Variants in SHQ1 observed in about 807,000 individuals in gnomAD.
SHQ1 encodes SHQ1, H/ACA ribonucleoprotein assembly factor, also known as protein SHQ1 homolog.
A neutral mutation model predicts 53.8 loss-of-function variants in SHQ1; 49 were observed. The observed-to-expected ratio is 0.91, with a 90% CI of 0.72 to 1.16. The LOEUF (loss-of-function observed/expected upper bound fraction) is 1.16, where lower values mean the gene tolerates loss of function less well. SHQ1 is among the 50% of genes most tolerant of loss of function. The pLI, the probability that SHQ1 is intolerant of heterozygous loss-of-function variation, is 0.00. For synonymous variants in SHQ1, 243 were observed against 251.0 expected, an observed-to-expected ratio of 0.97 and a Z score of 0.30; for missense variants, 738 against 683.1, an observed-to-expected ratio of 1.08 and a Z score of -0.90.
chr3:72,747,451 A>G (rs1434123544), downstream of SHQ1, among the ~76,000 whole-genome samples: 3 of 152,244 alleles, frequency 2.0e-5, no homozygotes, highest in Non-Finnish European at 4.4e-5. Flanking sequence ...AATGAAAGAC[A>G]GTGATCCTGA....
chr3:72,817,328 G>C lies in SHQ1; in HGVS notation c.784C>G (p.Leu262Val). The C allele has an allele frequency of 6.2e-7, 1 of 1,613,512 alleles. No homozygotes were observed. Among genetic ancestry groups the C allele is most frequent in the Non-Finnish European group, 8.5e-7 (1 of 1,179,598 alleles). Reference sequence around the variant, plus strand: ...TGACGACAGGCTCTCTTGTCCAGCAGATAAGATTTATTGACAAATTTTCGT... The same window carrying C: ...TGACGACAGGCTCTCTTGTCCAGCACATAAGATTTATTGACAAATTTTCGT... ...QLRKFVNKSY[L>V]LDKRACRQVC... The change falls in exon 7 of 11, where the codon CTG becomes GTG. Residue 262 changes from leucine (L) to valine (V), a missense_variant. Transcript: ENST00000325599.
At chr3:72,748,002 C>A (rs926803044), downstream of SHQ1, among the ~76,000 whole-genome samples, 9 of 150,470 alleles carry the variant, frequency 6.0e-5, no homozygotes, top group South Asian at 1.7e-3. Context: ...AAAAAAAAAA[C>A]ACACACTCAC....
At chr3:72,812,534 T>C (rs1707156844) in intron 9 of SHQ1, 137 bp downstream of exon 9, 5 of 885,864 alleles carry the variant, frequency 5.6e-6, no homozygotes, top group African/African-American at 1.7e-5. Flanking sequence ...AGGAATTCTA[T>C]ACTTTAAAAG....
intron 5 of SHQ1, among the ~76,000 whole-genome samples, 186 bp from the exon 6 acceptor site, chr3:72,824,737 T>C (rs1237653062): frequency 6.6e-6 from 1 of 151,074 alleles, no homozygotes; most frequent in Non-Finnish European, 1.5e-5. Flanking sequence ...TTATTTACCA[T>C]AAAACAAAAG....
intron 1 of SHQ1, among the ~76,000 whole-genome samples, chr3:72,847,304 G>A (rs529599938): frequency 3.9e-5 from 6 of 152,240 alleles, no homozygotes; most frequent in African/African-American, 1.4e-4. Context: ...AAAGTACTTG[G>A]GTGGGAAAAG....
the SHQ1 span, among the ~76,000 whole-genome samples, chr3:72,734,707 A>AAC: frequency 6.6e-6 from 1 of 151,712 alleles, no homozygotes; most frequent in Non-Finnish European, 1.5e-5. Flanking sequence ...ATAGAAGAAA[A>AAC]ACATGGTTGC....
chr3:72,815,918 T>TA (rs1707299285), intron 7 of SHQ1, among the ~76,000 whole-genome samples: 1 of 152,160 alleles, frequency 6.6e-6, no homozygotes, highest in African/African-American at 2.4e-5. Flanking sequence ...AATACAAGAA[T>TA]AAAAAATGGT....
At chr3:72,744,817 C>T (rs905892133), downstream of SHQ1, among the ~76,000 whole-genome samples, 1 of 151,292 alleles carries the variant, frequency 6.6e-6, no homozygotes, top group African/African-American at 2.4e-5. Flanking sequence ...CTTTCATTTG[C>T]TCTAATGGAG....
At chr3:72,837,756 G>T (rs752312171) in intron 4 of SHQ1, among the ~76,000 whole-genome samples, 10 of 152,114 alleles carry the variant, frequency 6.6e-5, no homozygotes, top group Non-Finnish European at 1.3e-4. Context: ...TAGAATTAGG[G>T]TCATATTATT....
chr3:72,737,263 G>A, the SHQ1 span, among the ~76,000 whole-genome samples: 23 of 151,930 alleles, frequency 1.5e-4, no homozygotes, highest in Non-Finnish European at 2.9e-4. Flanking sequence ...GGGCGACAAA[G>A]CAAGATTCTG....
chr3:72,796,101 C>CAAAAA (rs555086403), intron 9 of SHQ1, among the ~76,000 whole-genome samples: 56 of 39,982 alleles, frequency 1.4e-3, no homozygotes, highest in South Asian at 3.6e-3. Flanking sequence ...GACTCCATCT[C>CAAAAA]AAAAAAAAAA....
At chr3:72,755,242 T>TGATG (rs887843181) in intron 10 of SHQ1, among the ~76,000 whole-genome samples, 63 of 151,684 alleles carry the variant, frequency 4.2e-4, no homozygotes, top group Admixed American at 1.1e-3. Context: ...TACAATAAGT[T>TGATG]GATGGATGGA....
In SHQ1 at chr3:72,784,809, C is replaced by T. The variant is rs1238285133; in HGVS notation, c.1181+8107G>A. The stretch of plus-strand genomic sequence containing the variant: ...TTAACAGATCCCCAAAATCACCTTC[C>T]ACTCTGTAGATTTATTATAAACATC... On this transcript the variant is annotated intron_variant, in intron 10 of 10. Transcript: ENST00000325599. Among the ~76,000 whole-genome samples, 5 of 152,178 alleles carry T rather than the reference C, an allele frequency of 3.3e-5. No homozygotes were observed. In the East Asian group the frequency reaches 9.6e-4, roughly 29 times the overall value.
In SHQ1 at chr3:72,832,434, A is replaced by G. The variant is rs761476033; in HGVS notation, c.534T>C (p.Pro178=). The change falls in exon 5 of 11, where the codon CCT becomes CCC. Residue 178 remains proline (P), a synonymous_variant. Transcript: ENST00000325599. The part of the protein sequence containing the change: ...VIDIKDPDFT[P]AAERRQKRLA... ...GGCGCTTCTGTCTTCGTTCAGCTGC[A>G]GGGGTGAAATCTGGATCCTTAATAT... 1.1e-5 allele frequency: 17 copies of G among 1,612,976 alleles called. No homozygotes were observed. Among genetic ancestry groups the G allele is most frequent in the Non-Finnish European group, 1.4e-5 (17 of 1,179,980 alleles).
intron 10 of SHQ1, among the ~76,000 whole-genome samples, chr3:72,785,119 G>A (rs1559670331): frequency 6.6e-6 from 1 of 152,220 alleles, no homozygotes; most frequent in East Asian, 1.9e-4. Flanking sequence ...CTGTGGAGTG[G>A]CCATCCTCCA....
At chr3:72,818,084 T>G (rs1425880644) in intron 6 of SHQ1, among the ~76,000 whole-genome samples, 1 of 151,954 alleles carries the variant, frequency 6.6e-6, no homozygotes, top group East Asian at 1.9e-4. Flanking sequence ...TCTAGACATG[T>G]AATCACATAC....
At chr3:72,728,726 T>C in the SHQ1 span, among the ~76,000 whole-genome samples, 2 of 152,216 alleles carry the variant, frequency 1.3e-5, no homozygotes, top group African/African-American at 4.8e-5. Flanking sequence ...ATGCAATTGC[T>C]TGAGGCACAA....
chr3:72,815,398 T>C lies in SHQ1; in HGVS notation c.888A>G (p.Glu296=), dbSNP rs778100435. ...TRVTEGEKNV[E]SAWNIRKLSP... ...TCAGTTTCCTGATATTCCATGCAGA[T>C]TCAACCTTTATTTGTTTTGGAGAAA... Residue 296 remains glutamate (E), a synonymous_variant, in exon 8 of 11, where the codon GAA becomes GAG. Coordinates refer to ENST00000325599, the MANE Select transcript of SHQ1 (RefSeq NM_018130.3). The C allele has an allele frequency of 3.7e-6, 6 of 1,613,114 alleles. 1 individual carries two copies. In the South Asian group the frequency reaches 6.6e-5, roughly 18 times the overall value.
At chr3:72,729,122 G>A in the SHQ1 span, among the ~76,000 whole-genome samples, 1 of 152,186 alleles carries the variant, frequency 6.6e-6, no homozygotes, top group Non-Finnish European at 1.5e-5. Flanking sequence ...ATAAACCTCT[G>A]AGAGATTCCA....
Sources: gnomAD v4.1 joint callset for allele counts (sites outside exome capture counted in the v4.1 genomes callset) on GRCh38, gnomAD v4.1.1 for gene constraint, MANE v1.5 for transcripts, NCBI Gene and HGNC (gene_info 2026-07-23, HGNC 2026-07-21) for gene names.